The following MOB1B variants were observed in gnomAD, a reference collection of about 807,000 sequenced individuals.
MOB1B encodes the protein MOB kinase activator 1B.
MOB1B carries 19 observed loss-of-function variants against 24.4 expected under a neutral mutation model. That is an observed-to-expected ratio of 0.78 (90% confidence interval 0.54 to 1.14). The LOEUF is 1.14. Ranked by LOEUF, MOB1B falls within the 50% of genes most tolerant of loss-of-function variation. The probability of loss-of-function intolerance (pLI) is 0.00; values close to 1 mark genes in which losing one functional copy is unlikely to be tolerated. For synonymous variants in MOB1B, 76 were observed against 82.1 expected, an observed-to-expected ratio of 0.93 and a Z score of 0.40; for missense variants, 243 against 259.6, an observed-to-expected ratio of 0.94 and a Z score of 0.44.
At chr4:70,966,946 A>G (rs1218827034) in intron 2 of MOB1B, among the ~76,000 whole-genome samples, 2 of 152,234 alleles carry the variant, frequency 1.3e-5, no homozygotes, top group African/African-American at 4.8e-5. Context: ...ACAACAATAC[A>G]TGCAGAAAAA....
At chr4:70,924,725 G>T (rs765949717) in intron 1 of MOB1B, among the ~76,000 whole-genome samples, 4 of 152,154 alleles carry the variant, frequency 2.6e-5, no homozygotes, top group Non-Finnish European at 4.4e-5. Flanking sequence ...GCATCTATGA[G>T]TGAGGACATG....
Position 70,981,938 on chromosome 4 carries a change from T to C in MOB1B, c.574-42T>C, listed in dbSNP as rs760023737. 3 of 1,252,046 alleles carry C rather than the reference T, an allele frequency of 2.4e-6. No homozygotes were observed. The East Asian group carries it at 7.0e-5, about 29-fold the overall frequency. The allele number at this position is 1,252,046 out of a possible 1,614,324, so 77.6% of individuals were successfully genotyped here. ...TTACTTTGGAATAAGATGCAAATAATGTTTTTGCTATTTATTCTGCCTTTC... is the reference window on the plus strand; with the variant it reads ...TTACTTTGGAATAAGATGCAAATAACGTTTTTGCTATTTATTCTGCCTTTC... On this transcript the variant is annotated intron_variant, in intron 5 of 5. Coordinates refer to ENST00000309395, the MANE Select transcript of MOB1B (RefSeq NM_173468.4).
chr4:70,933,807 C>T (rs941518795), intron 1 of MOB1B, among the ~76,000 whole-genome samples: 2 of 152,046 alleles, frequency 1.3e-5, no homozygotes, highest in Non-Finnish European at 2.9e-5. Flanking sequence ...ACCTTGGCCT[C>T]CCAAAGTGCT....
intron 1 of MOB1B, among the ~76,000 whole-genome samples, chr4:70,937,516 GT>G (rs373683364): frequency 6.8e-6 from 1 of 147,514 alleles, no homozygotes; most frequent in African/African-American, 2.5e-5. Context: ...TTTCCCATCT[GT>G]TTTTTTTTCT....
At chr4:70,914,142 G>C (rs1337003165) in intron 1 of MOB1B, among the ~76,000 whole-genome samples, 1 of 152,164 alleles carries the variant, frequency 6.6e-6, no homozygotes, top group Non-Finnish European at 1.5e-5. Flanking sequence ...AGGACACATA[G>C]GAGGCGCCAT....
At chr4:70,904,795 C>T (rs1487195440) in intron 1 of MOB1B, among the ~76,000 whole-genome samples, 2 of 149,132 alleles carry the variant, frequency 1.3e-5, no homozygotes, top group African/African-American at 5.0e-5. Flanking sequence ...CAGGGAAGAG[C>T]CATATTTGGC....
chr4:70,974,768 T>A (rs956114126), intron 3 of MOB1B, among the ~76,000 whole-genome samples: 1 of 152,240 alleles, frequency 6.6e-6, no homozygotes. Context: ...AAAAGAATTG[T>A]ACTGTGTAAG....
At chr4:70,931,733 T>G (rs1736896715) in intron 1 of MOB1B, among the ~76,000 whole-genome samples, 1 of 152,192 alleles carries the variant, frequency 6.6e-6, no homozygotes. Context: ...TTTATGACAT[T>G]AAGACAATTT....
chr4:70,916,688 C>T (rs1199168982), intron 1 of MOB1B, among the ~76,000 whole-genome samples: 2 of 152,216 alleles, frequency 1.3e-5, no homozygotes, highest in Non-Finnish European at 1.5e-5. Context: ...CTCCCTCAGC[C>T]TCCCAAGTAG....
intron 2 of MOB1B, among the ~76,000 whole-genome samples, chr4:70,969,629 G>C (rs1738674669): frequency 6.6e-6 from 1 of 152,080 alleles, no homozygotes; most frequent in Non-Finnish European, 1.5e-5. Context: ...ACATTTTTCA[G>C]CTGTGTTGTC....
At position 70,970,800 on chromosome 4, in the gene MOB1B, A is replaced by G. The variant is rs571297622; in HGVS notation, c.275+776A>G. The stretch of plus-strand genomic sequence containing the variant: ...ATCAAAGAGCCCGTAACAGAAGTAT[A>G]ATATTGTAGCTCAGGAAAAATATGG... On this transcript the variant is annotated intron_variant, in intron 3 of 5. Coordinates refer to ENST00000309395, the MANE Select transcript of MOB1B (RefSeq NM_173468.4). Among the ~76,000 whole-genome samples the G allele has an allele frequency of 4.6e-5, 7 of 152,350 alleles. No individual in the cohort carries two copies. In the South Asian group the frequency reaches 1.2e-3, roughly 27 times the overall value.
intron 1 of MOB1B, among the ~76,000 whole-genome samples, chr4:70,935,597 A>AG (rs1553935484): frequency 1.3e-5 from 2 of 151,776 alleles, no homozygotes; most frequent in Non-Finnish European, 2.9e-5. Flanking sequence ...AACTTGGTGA[A>AG]TGTGTGTGTG....
At chr4:70,911,431 A>G (rs1211028792) in intron 1 of MOB1B, among the ~76,000 whole-genome samples, 2 of 151,770 alleles carry the variant, frequency 1.3e-5, no homozygotes, top group African/African-American at 2.4e-5. Flanking sequence ...TATATAATAT[A>G]TGTTATCCTT....
intron 3 of MOB1B, among the ~76,000 whole-genome samples, chr4:70,974,422 C>T (rs970232435): frequency 2.0e-5 from 3 of 152,100 alleles, no homozygotes; most frequent in Non-Finnish European, 2.9e-5. Flanking sequence ...GGTTCTTACA[C>T]TGTTTTTACA....
intron 1 of MOB1B, among the ~76,000 whole-genome samples, chr4:70,912,999 T>A (rs939990212): frequency 1.3e-5 from 2 of 152,048 alleles, no homozygotes; most frequent in Admixed American, 6.5e-5. Flanking sequence ...TCAAGCAATT[T>A]GCCCGGCCTT....
At chr4:70,956,990 A>G (rs576139795) in intron 1 of MOB1B, among the ~76,000 whole-genome samples, 48 of 152,062 alleles carry the variant, frequency 3.2e-4, no homozygotes, top group Non-Finnish European at 5.0e-4. Flanking sequence ...GTTGAGAACT[A>G]CTGGTTTATC....
At chr4:70,916,376 A>G (rs1371349430) in intron 1 of MOB1B, among the ~76,000 whole-genome samples, 1 of 152,208 alleles carries the variant, frequency 6.6e-6, no homozygotes, top group African/African-American at 2.4e-5. Context: ...GGCTGCATGC[A>G]AGCATTTAAA....
intron 1 of MOB1B, among the ~76,000 whole-genome samples, chr4:70,932,023 C>G (rs1347080217): frequency 1.3e-5 from 2 of 152,132 alleles, no homozygotes; most frequent in Non-Finnish European, 2.9e-5. Flanking sequence ...AGGCACTGCA[C>G]CTGGCTGGTT....
At position 70,977,411 on chromosome 4, in the gene MOB1B, C is replaced by T. The variant is rs146551370; in HGVS notation, c.410-1717C>T. Among the ~76,000 whole-genome samples, 1,134 of 152,214 alleles carry T rather than the reference C, an allele frequency of 7.5e-3. 13 individuals are homozygous for T. The highest frequency in any genetic ancestry group is 0.026 in the African/African-American group (1,095 of 41,526). On this transcript the variant is annotated intron_variant, in intron 4 of 5. Coordinates refer to ENST00000309395, the MANE Select transcript of MOB1B (RefSeq NM_173468.4). ...TAGCAATATGATGGCAATATGATGA[C>T]ATTGAACCCAGTAGTACCAATATTG...
Sources: gnomAD v4.1 joint callset for allele counts (sites outside exome capture counted in the v4.1 genomes callset) on GRCh38, gnomAD v4.1.1 for gene constraint, MANE v1.5 for transcripts, NCBI Gene and HGNC (gene_info 2026-07-23, HGNC 2026-07-21) for gene names.